The following BANP variants were observed in gnomAD, a reference collection of about 807,000 sequenced individuals.
BANP encodes BTG3 associated nuclear protein.
A neutral mutation model predicts 68.1 loss-of-function variants in BANP; 11 were observed. That is an observed-to-expected ratio of 0.16 (90% CI 0.10 to 0.27). BANP has a LOEUF of 0.27. Ranked by LOEUF, BANP falls within the 10% of genes least tolerant of loss-of-function variation. The pLI is 1.00. For synonymous variants in BANP, 329 were observed against 303.2 expected (o/e 1.09, Z -0.88); for missense variants, 504 against 722.7 (o/e 0.70, Z 3.47).
chr16:87,985,979 G>A (rs566955971), intron 4 of BANP, among the ~76,000 whole-genome samples: 4 of 152,358 alleles, frequency 2.6e-5, no homozygotes, highest in African/African-American at 7.2e-5. Flanking sequence ...TTAGAAGCAT[G>A]TTTTCCACTC....
chr16:87,954,567 C>G (rs925914993), intron 1 of BANP, among the ~76,000 whole-genome samples: 2 of 152,210 alleles, frequency 1.3e-5, no homozygotes, highest in Non-Finnish European at 2.9e-5. Flanking sequence ...CACCAACTTG[C>G]AGATATTTTC....
chr16:88,038,036 A>G (rs762591107), intron 11 of BANP, 25 bp downstream of exon 11: 20 of 1,575,378 alleles, frequency 1.3e-5, no homozygotes, highest in South Asian at 9.9e-5. Flanking sequence ...CCCCATGCAC[A>G]TGCGGGCGTT....
At chr16:87,978,643 T>C (rs2062656216) in intron 2 of BANP, 1 of 470,148 alleles carries the variant, frequency 2.1e-6, no homozygotes, top group Non-Finnish European at 4.4e-6. Context: ...CCGTGTGCTG[T>C]ACTCAAGGGA....
At chr16:88,012,923 C>T (rs2073550261) in intron 6 of BANP, among the ~76,000 whole-genome samples, 1 of 151,742 alleles carries the variant, frequency 6.6e-6, no homozygotes, top group African/African-American at 2.4e-5. Context: ...TTTAAATCAT[C>T]GTTTTGTTTC....
At chr16:88,035,864 C>T (rs2079214819) in intron 10 of BANP, among the ~76,000 whole-genome samples, 1 of 152,248 alleles carries the variant, frequency 6.6e-6, no homozygotes. Flanking sequence ...CAAGGTGATG[C>T]TGCCAGTCCT....
At chr16:88,054,094 A>G in intron 11 of BANP, among the ~76,000 whole-genome samples, 1 of 101,466 alleles carries the variant, frequency 9.9e-6, no homozygotes, top group Non-Finnish European at 2.5e-5. Flanking sequence ...CTCTACTGTC[A>G]TCTCCATCAT....
intron 11 of BANP, among the ~76,000 whole-genome samples, chr16:88,058,694 T>C (rs1428949731): frequency 6.6e-6 from 1 of 151,656 alleles, no homozygotes; most frequent in Non-Finnish European, 1.5e-5. Flanking sequence ...AAGCCTGTGG[T>C]ATCTGAGACC....
chr16:88,059,041 C>G (rs1253361574), intron 11 of BANP, among the ~76,000 whole-genome samples: 1 of 151,494 alleles, frequency 6.6e-6, no homozygotes, highest in African/African-American at 2.4e-5. Context: ...TGGTCGGAAC[C>G]CCTGTACCAC....
At chr16:87,959,000 A>G (rs2058618775) in intron 1 of BANP, among the ~76,000 whole-genome samples, 1 of 152,208 alleles carries the variant, frequency 6.6e-6, no homozygotes, top group Non-Finnish European at 1.5e-5. Context: ...CAACCTCAGC[A>G]TGATGTTGGC....
At chr16:88,070,750 A>AT (rs1309391086) in intron 12 of BANP, among the ~76,000 whole-genome samples, 2 of 151,956 alleles carry the variant, frequency 1.3e-5, no homozygotes, top group East Asian at 3.9e-4. Context: ...GGCACAAAAT[A>AT]TTTTTTTGCA....
Position 88,018,557 on chromosome 16 carries a change from C to T in BANP, c.785C>T (p.Thr262Met), listed in dbSNP as rs1321416610. The change falls in exon 7 of 14, where the codon ACG becomes ATG. Residue 262 changes from threonine to methionine, a missense_variant. By Grantham distance (81) the Thr-to-Met change is moderately conservative. Transcript: ENST00000682872. This position sits in a 1 kb window ranked among gnomAD's most constrained non-coding sequence, Gnocchi z 7.7. ...CGCACGGCCGAGAAGATGGCGCTCA[C>T]GCTGCTGGACTACCTCTTCCACCGC... ...NCRTAEKMAL[T>M]LLDYLFHREV... 5 of 1,612,550 alleles carry T rather than the reference C, an allele frequency of 3.1e-6. No homozygotes were observed. Among genetic ancestry groups the T allele is most frequent in the East Asian group, 2.2e-5 (1 of 44,854 alleles).
chr16:88,058,708 G>T (rs1447816156), intron 11 of BANP, among the ~76,000 whole-genome samples: 1 of 143,750 alleles, frequency 7.0e-6, no homozygotes, highest in African/African-American at 2.4e-5. Flanking sequence ...TGAGACCATG[G>T]GACTGGGAGG....
chr16:88,060,243 C>T (rs760145411), intron 11 of BANP, among the ~76,000 whole-genome samples: 8 of 152,380 alleles, frequency 5.3e-5, no homozygotes, highest in Non-Finnish European at 1.2e-4. Context: ...GACCGCCGTG[C>T]GTTGCCCTCC....
intron 1 of BANP, among the ~76,000 whole-genome samples, chr16:87,965,602 A>G (rs950134373): frequency 2.3e-5 from 2 of 87,344 alleles, no homozygotes; most frequent in East Asian, 6.7e-4. Context: ...GAGCGTTCGC[A>G]TGGCTGGGCG....
chr16:88,054,160 A>G (rs1350122736), intron 11 of BANP, among the ~76,000 whole-genome samples: 5 of 112,996 alleles, frequency 4.4e-5, no homozygotes, highest in African/African-American at 1.6e-4. Flanking sequence ...CACCTCCACC[A>G]TCATCTCCAT....
chr16:88,039,111 A>G (rs556282900), intron 11 of BANP, among the ~76,000 whole-genome samples: 19 of 152,204 alleles, frequency 1.2e-4, no homozygotes, highest in African/African-American at 4.6e-4. Context: ...ACCTTGGGAG[A>G]AGGGCTGCAG....
intron 1 of BANP, among the ~76,000 whole-genome samples, chr16:87,964,164 A>C (rs1286671625): frequency 1.3e-5 from 2 of 152,224 alleles, no homozygotes; most frequent in Non-Finnish European, 2.9e-5. Flanking sequence ...ACCTTAATCC[A>C]TGGTTTTTAA....
intron 11 of BANP, among the ~76,000 whole-genome samples, chr16:88,053,484 CACCACCTCT>C (rs1160444888): frequency 5.6e-4 from 83 of 148,970 alleles, no homozygotes; most frequent in African/African-American, 1.9e-3. Context: ...CCACCTTCAC[CACCACCTCT>C]ACTGTCATCT....
Position 87,981,189 on chromosome 16 carries a change from C to T in BANP, c.162+62C>T, listed in dbSNP as rs1386080051. The T allele has an allele frequency of 2.4e-5, 29 of 1,212,236 alleles. No homozygotes were observed. In the Admixed American group the frequency reaches 4.8e-4, roughly 20 times the overall value. 75.1% of individuals were successfully genotyped at this position (1,212,236 alleles called of 1,614,324 possible). A position where few individuals can be genotyped will look rare whatever the true frequency, so the allele number is the denominator to read the frequency against. On this transcript the variant is annotated intron_variant, in intron 3 of 13. Coordinates refer to ENST00000682872, the MANE Select transcript of BANP (RefSeq NM_001386991.1). The stretch of plus-strand genomic sequence containing the variant: ...TTGCAGATTTCAAGGGCTGCTATAA[C>T]AAATCACCATCAATGGGATGGCTTC...
Sources: gnomAD v4.1 joint callset for allele counts (sites outside exome capture counted in the v4.1 genomes callset) on GRCh38, gnomAD v4.1.1 for gene constraint, Gnocchi (gnomAD v3.1) non-coding constraint, MANE v1.5 for transcripts, NCBI Gene and HGNC (gene_info 2026-07-23, HGNC 2026-07-21) for gene names.